The following ZNF613 variants were observed in gnomAD, a reference collection of about 807,000 sequenced individuals.
ZNF613 encodes zinc finger protein 613.
A neutral mutation model predicts 14.3 loss-of-function variants in ZNF613; 8 were observed. That is an observed-to-expected ratio of 0.56 (90% confidence interval 0.33 to 1.01). The LOEUF (loss-of-function observed/expected upper bound fraction) is 1.01. Ranked by LOEUF, ZNF613 falls within the 50% of genes least tolerant of loss-of-function variation. The probability of loss-of-function intolerance (pLI) is 0.03; values close to 1 mark genes in which losing one functional copy is unlikely to be tolerated. For synonymous variants in ZNF613, 228 were observed against 254.5 expected (o/e 0.90, Z 0.99); for missense variants, 656 against 741.9 (o/e 0.88, Z 1.35).
intron 3 of ZNF613, among the ~76,000 whole-genome samples, chr19:51,936,567 C>T (rs1403365228): frequency 6.6e-6 from 1 of 152,168 alleles, no homozygotes; most frequent in Admixed American, 6.5e-5. Flanking sequence ...TGGCTCACTG[C>T]AACCTCGGCC....
chr19:51,941,096 A>AT (rs1279654938), intron 5 of ZNF613, among the ~76,000 whole-genome samples: 2 of 151,802 alleles, frequency 1.3e-5, no homozygotes, highest in African/African-American at 4.8e-5. Flanking sequence ...CGCCCAGCTA[A>AT]TTTTTTTGTA....
At chr19:51,935,037 T>C (rs2085295032) in intron 2 of ZNF613, among the ~76,000 whole-genome samples, 1 of 152,136 alleles carries the variant, frequency 6.6e-6, no homozygotes, top group Non-Finnish European at 1.5e-5. Flanking sequence ...GTTTGGAGCA[T>C]GCAGGAGGGC....
chr19:51,936,269 C>G, intron 3 of ZNF613, 34 bp downstream of exon 3: 1 of 1,592,928 alleles, frequency 6.3e-7, no homozygotes, highest in Non-Finnish European at 8.5e-7. Flanking sequence ...TTTCCTTCAT[C>G]ACATGATTGA....
At chr19:51,942,960 G>T (rs968654834) in intron 5 of ZNF613, 6 of 152,260 alleles carry the variant, frequency 3.9e-5, no homozygotes, top group African/African-American at 1.2e-4. Flanking sequence ...GCCTCCCAAA[G>T]TGCTGGGATT....
chr19:51,927,850 G>A (rs182766235), intron 1 of ZNF613: 1 of 152,234 alleles, frequency 6.6e-6, no homozygotes, highest in Non-Finnish European at 1.5e-5. Flanking sequence ...CGGATTCGGG[G>A]TTTTATTTTT....
chr19:51,940,487 T>G, intron 4 of ZNF613, 130 bp from the exon 5 acceptor site: 2 of 1,495,868 alleles, frequency 1.3e-6, no homozygotes, highest in South Asian at 2.5e-5. Context: ...ATGTGCCCCC[T>G]TTAGAGGGAA....
chr19:51,946,249 G>A lies in ZNF613; in HGVS notation c.*512G>A, dbSNP rs2085401049. ...AGGAGTATTTTAGAGATTTCGATCA[G>A]AAATCTAACATCATTATATGGCAGA... On this transcript the variant is annotated 3_prime_UTR_variant, in exon 6 of 6. Transcript: ENST00000293471. 1 of 158,474 alleles carries A rather than the reference G, an allele frequency of 6.3e-6. No homozygotes were observed. The highest frequency in any genetic ancestry group is 2.4e-5 in the African/African-American group (1 of 41,468). The allele number at this position is 158,474 out of a possible 1,614,324, so 9.8% of individuals were successfully genotyped here.
chr19:51,932,553 T>C (rs919254964), intron 2 of ZNF613, among the ~76,000 whole-genome samples: 3 of 152,210 alleles, frequency 2.0e-5, no homozygotes, highest in African/African-American at 7.2e-5. Context: ...CGCCTCGGCC[T>C]CCCAAAGTCC....
At chr19:51,928,813 C>G (rs1368460080) in intron 1 of ZNF613, among the ~76,000 whole-genome samples, 2 of 144,448 alleles carry the variant, frequency 1.4e-5, no homozygotes, top group Non-Finnish European at 3.0e-5. Context: ...TATGATTGAG[C>G]ACTGCACTCC....
chr19:51,928,036 A>ATCTC (rs200605553), intron 1 of ZNF613: 33 of 121,136 alleles, frequency 2.7e-4, no homozygotes, highest in African/African-American at 1.3e-3. Context: ...CTATCTATCT[A>ATCTC]ATCTGTCTAA....
intron 3 of ZNF613, among the ~76,000 whole-genome samples, chr19:51,937,534 T>C (rs2085313408): frequency 1.3e-5 from 2 of 152,126 alleles, no homozygotes; most frequent in African/African-American, 4.8e-5. Flanking sequence ...TGGGTTATAG[T>C]AGCTGTCACC....
chr19:51,941,140 C>T (rs2085346845), intron 5 of ZNF613, among the ~76,000 whole-genome samples: 1 of 152,102 alleles, frequency 6.6e-6, no homozygotes, highest in South Asian at 2.1e-4. Context: ...CCAAGTTGAC[C>T]AAGATGGTCT....
At chr19:51,937,994 G>T (rs544578345) in intron 3 of ZNF613, among the ~76,000 whole-genome samples, 2 of 152,116 alleles carry the variant, frequency 1.3e-5, no homozygotes, top group African/African-American at 4.8e-5. Flanking sequence ...GCCTCCCAAA[G>T]TGTTGAGATT....
At chr19:51,932,976 G>C (rs1182301094) in intron 2 of ZNF613, among the ~76,000 whole-genome samples, 1 of 152,054 alleles carries the variant, frequency 6.6e-6, no homozygotes, top group African/African-American at 2.4e-5. Context: ...CACCACGCCT[G>C]AGTGTCTGAC....
At chr19:51,928,862 A>T (rs1398086017) in intron 1 of ZNF613, among the ~76,000 whole-genome samples, 1 of 151,930 alleles carries the variant, frequency 6.6e-6, no homozygotes, top group Non-Finnish European at 1.5e-5. Context: ...TCAAAAAAAA[A>T]AAAAAAAGAA....
chr19:51,944,335 T>C lies in ZNF613; in HGVS notation c.452T>C (p.Ile151Thr). 6.3e-7 allele frequency: 1 copy of C among 1,593,470 alleles called. No homozygotes were observed. Among genetic ancestry groups the C allele is most frequent in the Non-Finnish European group, 8.6e-7 (1 of 1,166,042 alleles). The change falls in exon 6 of 6, where the codon ATC becomes ACC. Residue 151 changes from isoleucine to threonine, a missense_variant. By Grantham distance (89) the Ile-to-Thr change is moderately conservative. Transcript: ENST00000293471. ...GTCAACCAGAACAAAAGGTATGAAA[T>C]CAAGAATTCTGTGGGGGTTAATGGA... The part of the protein sequence containing the change: ...SLVNQNKRYE[I>T]KNSVGVNGDG...
At chr19:51,940,074 AT>A in intron 3 of ZNF613, 134 bp from the exon 4 acceptor site, 3 of 1,161,718 alleles carry the variant, frequency 2.6e-6, no homozygotes, top group Non-Finnish European at 3.7e-6. Context: ...ATGACAATGT[AT>A]TTTTTTAAAA....
At position 51,946,031 on chromosome 19, in the gene ZNF613, T is replaced by G; in HGVS notation, c.*294T>G. Reference sequence around the variant, plus strand: ...TCCTTGTTCAGAAACAGTACGCCAGTAGGTATCAGGGGGTTTACACAGGAG... The same window carrying G: ...TCCTTGTTCAGAAACAGTACGCCAGGAGGTATCAGGGGGTTTACACAGGAG... On this transcript the variant is annotated 3_prime_UTR_variant, in exon 6 of 6. Transcript: ENST00000293471. 1 of 385,510 alleles carries G rather than the reference T, an allele frequency of 2.6e-6. No homozygotes were observed. The highest frequency in any genetic ancestry group is 4.8e-6 in the Non-Finnish European group (1 of 207,178). 23.9% of individuals were successfully genotyped at this position (385,510 alleles called of 1,614,324 possible). A position where few individuals can be genotyped will look rare whatever the true frequency, so the allele number is the denominator to read the frequency against.
In ZNF613 at chr19:51,944,297, A is replaced by T; in HGVS notation, c.414A>T (p.Ser138=). 6.3e-7 allele frequency: 1 copy of T among 1,597,196 alleles called. No individual in the cohort carries two copies. ...ACTTACATGGGAAAATACTGAAATC[A>T]AATTTAAGTTTAGTCAACCAGAACA... The part of the protein sequence containing the change: ...TFDLHGKILK[S]NLSLVNQNKR... Residue 138 remains serine (S), a synonymous_variant, in exon 6 of 6, where the codon TCA becomes TCT. Transcript: ENST00000293471.
Sources: gnomAD v4.1 joint callset for allele counts (sites outside exome capture counted in the v4.1 genomes callset) on GRCh38, gnomAD v4.1.1 for gene constraint, MANE v1.5 for transcripts, NCBI Gene and HGNC (gene_info 2026-07-23, HGNC 2026-07-21) for gene names.